ZBTB7C: variants seen among roughly 807,000 people sequenced by gnomAD.
ZBTB7C encodes the protein zinc finger and BTB domain containing 7C, also known as zinc finger and BTB domain-containing protein 7C.
In ZBTB7C, 8 loss-of-function variants were observed where a neutral mutation model predicts 25.7. The observed-to-expected ratio is 0.31, with a 90% CI of 0.18 to 0.56. The LOEUF is 0.56. Ranked by LOEUF, ZBTB7C falls within the 20% of genes least tolerant of loss-of-function variation. The probability of loss-of-function intolerance (pLI) is 0.91; values close to 1 mark genes in which losing one functional copy is unlikely to be tolerated. For synonymous variants in ZBTB7C, 394 were observed against 369.0 expected (o/e 1.07, Z -0.78); for missense variants, 824 against 855.2 (o/e 0.96, Z 0.46).
chr18:48,208,984 A>G (rs1411592602), intron 2 of ZBTB7C, among the ~76,000 whole-genome samples: 1 of 152,254 alleles, frequency 6.6e-6, no homozygotes, highest in African/African-American at 2.4e-5. Flanking sequence ...TTAAAAATAA[A>G]GTCGAAAAAG....
intron 1 of ZBTB7C, among the ~76,000 whole-genome samples, chr18:48,360,713 G>A (rs2145096813): frequency 6.6e-6 from 1 of 152,262 alleles, no homozygotes; most frequent in South Asian, 2.1e-4. Flanking sequence ...CAAGTGACCA[G>A]CCAAAGGCAG....
intron 2 of ZBTB7C, among the ~76,000 whole-genome samples, chr18:48,311,488 C>T (rs1023618631): frequency 2.0e-5 from 3 of 151,978 alleles, no homozygotes; most frequent in South Asian, 2.1e-4. Context: ...GTCAGTAACT[C>T]GGTAAGAGGG....
chr18:48,209,324 A>T (rs2145237766), intron 2 of ZBTB7C, among the ~76,000 whole-genome samples: 1 of 152,390 alleles, frequency 6.6e-6, no homozygotes, highest in East Asian at 1.9e-4. Context: ...GGTCAGATCC[A>T]AATCAAGCTA....
chr18:48,084,346 G>A (rs901143564), intron 3 of ZBTB7C, among the ~76,000 whole-genome samples: 15 of 152,264 alleles, frequency 9.9e-5, no homozygotes, highest in African/African-American at 3.1e-4. Context: ...AGGTCTCTTC[G>A]CCCTGTTGTT....
intron 3 of ZBTB7C, among the ~76,000 whole-genome samples, chr18:48,124,704 G>A (rs1347756258): frequency 6.6e-6 from 1 of 152,188 alleles, no homozygotes; most frequent in Non-Finnish European, 1.5e-5. Flanking sequence ...TTTTGGTTTG[G>A]TGTCTGTGAA....
intron 3 of ZBTB7C, among the ~76,000 whole-genome samples, chr18:48,095,006 G>A (rs1255938315): frequency 1.3e-5 from 2 of 152,056 alleles, no homozygotes. Flanking sequence ...TTTCAACCTG[G>A]CAAGGCATTT....
intron 2 of ZBTB7C, among the ~76,000 whole-genome samples, chr18:48,328,381 G>A (rs1184609294): frequency 6.6e-6 from 1 of 152,168 alleles, no homozygotes; most frequent in African/African-American, 2.4e-5. Flanking sequence ...CTGTGGTGAT[G>A]AGGGGTAGTA....
At chr18:48,255,556 T>C (rs1472588928) in intron 2 of ZBTB7C, among the ~76,000 whole-genome samples, 2 of 152,134 alleles carry the variant, frequency 1.3e-5, no homozygotes, top group African/African-American at 4.8e-5. Flanking sequence ...AGAGATATAA[T>C]AGTCAAATCT....
intron 2 of ZBTB7C, among the ~76,000 whole-genome samples, chr18:48,246,374 G>A (rs900029462): frequency 1.3e-5 from 2 of 151,682 alleles, no homozygotes; most frequent in African/African-American, 4.8e-5. Context: ...AGCTTGCAGT[G>A]AGCTGAGATC....
At chr18:48,278,082 C>G (rs1488883115) in intron 2 of ZBTB7C, among the ~76,000 whole-genome samples, 2 of 152,134 alleles carry the variant, frequency 1.3e-5, no homozygotes, top group African/African-American at 4.8e-5. Context: ...TGTTTCCCTC[C>G]CCCTGAATCT....
At chr18:48,156,903 TA>T (rs752910280) in intron 3 of ZBTB7C, among the ~76,000 whole-genome samples, 23 of 152,064 alleles carry the variant, frequency 1.5e-4, no homozygotes, top group Non-Finnish European at 2.8e-4. Context: ...TGGACCCCAT[TA>T]GGGGTCTCTC....
intron 1 of ZBTB7C, among the ~76,000 whole-genome samples, chr18:48,355,921 G>C (rs180672134): frequency 6.6e-6 from 1 of 152,170 alleles, no homozygotes; most frequent in Non-Finnish European, 1.5e-5. Context: ...CCAGGTGAGC[G>C]GGCTGAGAAG....
At chr18:48,326,258 G>A (rs2046217316) in intron 2 of ZBTB7C, among the ~76,000 whole-genome samples, 1 of 152,034 alleles carries the variant, frequency 6.6e-6, no homozygotes, top group Non-Finnish European at 1.5e-5. Context: ...ACCATGGCCA[G>A]CTAATTTTTG....
chr18:48,237,011 T>A (rs6507825), intron 2 of ZBTB7C, among the ~76,000 whole-genome samples: 150,708 of 152,296 alleles, frequency 0.99, 74,589 homozygotes, highest in Middle Eastern at 1. Context: ...TGTTACTGGC[T>A]CTCAGAGGCT....
chr18:48,031,300 C>T (rs2035736998), intron 4 of ZBTB7C, among the ~76,000 whole-genome samples: 1 of 152,158 alleles, frequency 6.6e-6, no homozygotes, highest in Non-Finnish European at 1.5e-5. Flanking sequence ...TCAGAGAGGA[C>T]AGATCCAGTC....
intron 1 of ZBTB7C, among the ~76,000 whole-genome samples, chr18:48,391,039 T>C (rs2047889397): frequency 6.6e-6 from 1 of 152,176 alleles, no homozygotes; most frequent in Non-Finnish European, 1.5e-5. Context: ...AATAACTAGT[T>C]GTATGGCTTA....
chr18:48,278,488 T>G (rs902257464), intron 2 of ZBTB7C, among the ~76,000 whole-genome samples: 7 of 152,114 alleles, frequency 4.6e-5, no homozygotes, highest in African/African-American at 1.7e-4. Flanking sequence ...CAGGCTGGAA[T>G]GCAATGGTGC....
intron 4 of ZBTB7C, among the ~76,000 whole-genome samples, chr18:48,036,375 T>C (rs1737448748): frequency 6.6e-6 from 1 of 152,016 alleles, no homozygotes; most frequent in Admixed American, 6.5e-5. Flanking sequence ...CCGTGGGGTG[T>C]GGACATTCTG....
intron 3 of ZBTB7C, among the ~76,000 whole-genome samples, chr18:48,048,500 C>T (rs2036559494): frequency 6.6e-6 from 1 of 152,170 alleles, no homozygotes; most frequent in Admixed American, 6.5e-5. Flanking sequence ...GCTTCACCAC[C>T]CCATGACCTG....
Sources: gnomAD v4.1 joint callset for allele counts (sites outside exome capture counted in the v4.1 genomes callset) on GRCh38, gnomAD v4.1.1 for gene constraint, MANE v1.5 for transcripts, NCBI Gene and HGNC (gene_info 2026-07-23, HGNC 2026-07-21) for gene names.